Variants in GPC5 observed in about 807,000 individuals in gnomAD.
GPC5 encodes the protein glypican 5, also known as glypican-5.
In GPC5, 47 loss-of-function variants were observed where a neutral mutation model predicts 53.9. The observed-to-expected ratio is 0.87, with a 90% CI of 0.69 to 1.11. The LOEUF (loss-of-function observed/expected upper bound fraction) is 1.11. GPC5 is among the 50% of genes most tolerant of loss of function. The pLI is 0.00. For missense variants in GPC5, 748 were observed against 713.1 expected (o/e 1.05, Z -0.56); for synonymous variants, 286 against 263.3 (o/e 1.09, Z -0.84).
intron 7 of GPC5, among the ~76,000 whole-genome samples, chr13:92,700,595 T>C (rs1242503560): frequency 1.3e-5 from 2 of 152,036 alleles, no homozygotes; most frequent in Non-Finnish European, 1.5e-5. Flanking sequence ...CTTTTTCAAA[T>C]GTGTTTCTGC....
intron 6 of GPC5, among the ~76,000 whole-genome samples, chr13:92,063,946 T>A (rs2041144524): frequency 6.6e-6 from 1 of 152,224 alleles, no homozygotes. Context: ...GTGACACTTT[T>A]GTTCAAATTG....
At chr13:92,291,082 C>T (rs2042991463) in intron 7 of GPC5, among the ~76,000 whole-genome samples, 2 of 152,132 alleles carry the variant, frequency 1.3e-5, no homozygotes, top group African/African-American at 4.8e-5. Flanking sequence ...TGCCTTTCCG[C>T]TAGGCAGGGC....
At chr13:92,773,518 A>G (rs1452066964) in intron 7 of GPC5, among the ~76,000 whole-genome samples, 3 of 152,216 alleles carry the variant, frequency 2.0e-5, no homozygotes, top group African/African-American at 7.2e-5. Context: ...ATGATTATCT[A>G]TATCTTTGTC....
chr13:91,907,622 G>A lies in GPC5; in HGVS notation c.1281-315G>A, dbSNP rs2039568351. On this transcript the variant is annotated intron_variant, in intron 5 of 7. Transcript: ENST00000377067. The stretch of plus-strand genomic sequence containing the variant: ...TGAGTGTGGACATATGTATAATTCA[G>A]CAAGACCTGGTAACAAAGTGAGATA... Among the ~76,000 whole-genome samples, 6 of 150,470 alleles carry A rather than the reference G, an allele frequency of 4.0e-5. No individual in the cohort carries two copies. In the South Asian group the frequency reaches 1.0e-3, roughly 26 times the overall value.
At chr13:91,793,878 C>A (rs769803986) in intron 5 of GPC5, among the ~76,000 whole-genome samples, 57 of 152,234 alleles carry the variant, frequency 3.7e-4, no homozygotes, top group Non-Finnish European at 8.1e-4. Flanking sequence ...CCCCCATGAT[C>A]CAATTGCCTC....
At chr13:91,916,907 A>T (rs2039664860) in intron 6 of GPC5, among the ~76,000 whole-genome samples, 1 of 152,154 alleles carries the variant, frequency 6.6e-6, no homozygotes, top group African/African-American at 2.4e-5. Context: ...GGGTTATGGG[A>T]ATTATAATTC....
intron 7 of GPC5, among the ~76,000 whole-genome samples, chr13:92,751,447 C>G (rs1020412120): frequency 6.7e-6 from 1 of 149,766 alleles, no homozygotes; most frequent in African/African-American, 2.5e-5. Flanking sequence ...GCCAGTCCAA[C>G]AAATGCAGGA....
At chr13:92,620,680 T>C (rs1428039599) in intron 7 of GPC5, among the ~76,000 whole-genome samples, 1 of 152,180 alleles carries the variant, frequency 6.6e-6, no homozygotes, top group East Asian at 1.9e-4. Flanking sequence ...GGAAGATTTT[T>C]AGAGTGTGGG....
At chr13:91,960,671 A>G (rs1273738851) in intron 6 of GPC5, among the ~76,000 whole-genome samples, 1 of 152,040 alleles carries the variant, frequency 6.6e-6, no homozygotes, top group Non-Finnish European at 1.5e-5. Flanking sequence ...TTACAAGGCT[A>G]TAGTAAAACA....
chr13:91,424,715 A>C (rs186544226), intron 1 of GPC5, among the ~76,000 whole-genome samples: 1 of 152,240 alleles, frequency 6.6e-6, no homozygotes, highest in East Asian at 1.9e-4. Context: ...CCCTTGCTGG[A>C]TATCATAGCC....
At chr13:92,056,590 A>G (rs1209102944) in intron 6 of GPC5, among the ~76,000 whole-genome samples, 1 of 152,198 alleles carries the variant, frequency 6.6e-6, no homozygotes, top group East Asian at 1.9e-4. Context: ...AATGAGAATT[A>G]ATATTTTCTT....
At chr13:91,908,567 A>T (rs554741410) in intron 6 of GPC5, among the ~76,000 whole-genome samples, 47 of 152,208 alleles carry the variant, frequency 3.1e-4, no homozygotes, top group Admixed American at 3.9e-4. Context: ...TTTATGAAAT[A>T]TTTCTGTTTT....
intron 7 of GPC5, among the ~76,000 whole-genome samples, chr13:92,621,319 C>T (rs9589604): frequency 3.7e-3 from 565 of 152,270 alleles, no homozygotes; most frequent in African/African-American, 0.013. Context: ...CCATATCTGG[C>T]AAGATGCTTA....
chr13:91,541,084 C>T (rs767055955), intron 2 of GPC5, among the ~76,000 whole-genome samples: 2 of 151,986 alleles, frequency 1.3e-5, no homozygotes, highest in Non-Finnish European at 2.9e-5. Context: ...TGTTTAAATG[C>T]CTACAATTAA....
intron 7 of GPC5, among the ~76,000 whole-genome samples, chr13:92,658,421 A>G (rs1886211485): frequency 6.6e-6 from 1 of 152,228 alleles, no homozygotes; most frequent in African/African-American, 2.4e-5. Context: ...GGATTTGAGA[A>G]TGATAATGTG....
At chr13:91,515,717 T>A (rs1335823913) in intron 2 of GPC5, among the ~76,000 whole-genome samples, 2 of 152,226 alleles carry the variant, frequency 1.3e-5, no homozygotes, top group African/African-American at 4.8e-5. Context: ...GTTTGTACTA[T>A]GATATTCCTC....
At chr13:92,220,277 C>T (rs2042439498) in intron 7 of GPC5, among the ~76,000 whole-genome samples, 1 of 152,076 alleles carries the variant, frequency 6.6e-6, no homozygotes, top group African/African-American at 2.4e-5. Flanking sequence ...AAAATCCTGC[C>T]CTAAGGGGTT....
chr13:92,567,400 A>T (rs755857847), intron 7 of GPC5, among the ~76,000 whole-genome samples: 1 of 152,110 alleles, frequency 6.6e-6, no homozygotes, highest in Admixed American at 6.6e-5. Flanking sequence ...GGTGAACAGA[A>T]TAATGCCTCC....
intron 5 of GPC5, among the ~76,000 whole-genome samples, chr13:91,901,967 A>G (rs2039502265): frequency 6.6e-6 from 1 of 152,002 alleles, no homozygotes; most frequent in African/African-American, 2.4e-5. Flanking sequence ...AATAGCAATA[A>G]AGGTAAAACA....
Sources: gnomAD v4.1 joint callset for allele counts (sites outside exome capture counted in the v4.1 genomes callset) on GRCh38, gnomAD v4.1.1 for gene constraint, MANE v1.5 for transcripts, NCBI Gene and HGNC (gene_info 2026-07-23, HGNC 2026-07-21) for gene names.